The following KIF26B variants were observed in gnomAD, a reference collection of about 807,000 sequenced individuals.
The protein encoded by KIF26B is kinesin family member 26B, also known as kinesin-like protein KIF26B.
KIF26B carries 63 observed loss-of-function variants against 151.2 expected under a neutral mutation model. The observed-to-expected ratio is 0.42, with a 90% confidence interval of 0.34 to 0.51. The LOEUF is 0.51. Among genes scored for constraint, KIF26B ranks in the 20% least tolerant of loss-of-function variants. The pLI, the probability that KIF26B is intolerant of heterozygous loss-of-function variation, is 0.07. For synonymous variants in KIF26B, 1,357 were observed against 1,262.1 expected (o/e 1.08, Z -1.59); for missense variants, 2,813 against 2,913.6 (o/e 0.97, Z 0.79).
chr1:245,696,903 C>T (rs2008766), intron 12 of KIF26B, among the ~76,000 whole-genome samples: 1 of 151,456 alleles, frequency 6.6e-6, no homozygotes, highest in East Asian at 1.9e-4. Flanking sequence ...TGAGATCAGG[C>T]GTTCGAGACC....
At chr1:245,448,428 T>G (rs1316549406) in intron 4 of KIF26B, among the ~76,000 whole-genome samples, 1 of 152,198 alleles carries the variant, frequency 6.6e-6, no homozygotes, top group African/African-American at 2.4e-5. Flanking sequence ...CAGGCTGGTC[T>G]CAAACTCCTG....
rs920095319 is a variant in KIF26B, at chr1:245,226,392, C to T, written c.465+69709C>T. 2.3e-4 allele frequency among the ~76,000 whole-genome samples: 35 copies of T among 152,270 alleles called. 1 individual carries two copies. The highest frequency in any genetic ancestry group is 1.0e-3 in the Admixed American group (16 of 15,286). ...TTCCCACCATCAAGGCATGAGGTTT[C>T]TCTCTTTGCCGCATTTGTGTTGGGC... is the stretch of plus-strand genomic sequence containing the variant. On this transcript the variant is annotated intron_variant, in intron 2 of 14. Coordinates refer to ENST00000407071, the MANE Select transcript of KIF26B (RefSeq NM_018012.4).
At chr1:245,391,969 C>A (rs1463766171) in intron 3 of KIF26B, among the ~76,000 whole-genome samples, 1 of 151,546 alleles carries the variant, frequency 6.6e-6, no homozygotes, top group Non-Finnish European at 1.5e-5. Flanking sequence ...TCTTATAACT[C>A]CTATGCTGGA....
intron 3 of KIF26B, among the ~76,000 whole-genome samples, chr1:245,378,051 C>T (rs1436310034): frequency 3.3e-5 from 5 of 152,158 alleles, no homozygotes; most frequent in Non-Finnish European, 5.9e-5. Context: ...CAGCCACAGA[C>T]ATAAATGTAA....
chr1:245,189,778 A>G (rs1351776447), intron 2 of KIF26B, among the ~76,000 whole-genome samples: 8 of 152,238 alleles, frequency 5.3e-5, no homozygotes, highest in Non-Finnish European at 1.2e-4. Context: ...TTGCTGATAA[A>G]GACACACATG....
chr1:245,539,309 C>T (rs1242395469), intron 4 of KIF26B, among the ~76,000 whole-genome samples: 1 of 152,146 alleles, frequency 6.6e-6, no homozygotes, highest in East Asian at 1.9e-4. Context: ...ACCAGCTATC[C>T]CAGACCATTG....
intron 3 of KIF26B, among the ~76,000 whole-genome samples, chr1:245,378,470 A>G (rs1049779751): frequency 7.2e-5 from 11 of 152,052 alleles, no homozygotes; most frequent in African/African-American, 2.7e-4. Flanking sequence ...GGTGGGAGAG[A>G]AGATTGCCTA....
At chr1:245,378,332 A>AG (rs1673324828) in intron 3 of KIF26B, among the ~76,000 whole-genome samples, 1 of 110,096 alleles carries the variant, frequency 9.1e-6, no homozygotes, top group African/African-American at 3.5e-5. Context: ...GAGAGGGGTT[A>AG]GGTGGGGAGG....
chr1:245,307,573 C>T (rs553557169), intron 2 of KIF26B, among the ~76,000 whole-genome samples: 3 of 152,242 alleles, frequency 2.0e-5, no homozygotes, highest in African/African-American at 4.8e-5. Context: ...AACAAACCAC[C>T]GCCTGTGTCT....
chr1:245,265,856 C>T (rs1288316803), intron 2 of KIF26B, among the ~76,000 whole-genome samples: 2 of 152,122 alleles, frequency 1.3e-5, no homozygotes, highest in African/African-American at 4.8e-5. Flanking sequence ...CGTCTGCCTG[C>T]CTTAGTCTCC....
chr1:245,384,000 C>T (rs1049649973), intron 3 of KIF26B, among the ~76,000 whole-genome samples: 6 of 152,178 alleles, frequency 3.9e-5, no homozygotes, highest in Middle Eastern at 3.2e-3. Flanking sequence ...GTACAAAACA[C>T]GAAAATCTTA....
At chr1:245,173,783 T>C (rs531599500) in intron 2 of KIF26B, among the ~76,000 whole-genome samples, 3 of 152,198 alleles carry the variant, frequency 2.0e-5, no homozygotes, top group African/African-American at 7.2e-5. Context: ...TTTCTCTTAC[T>C]TCCACGGACC....
At chr1:245,694,939 C>T (rs1242645622) in intron 12 of KIF26B, among the ~76,000 whole-genome samples, 2 of 152,222 alleles carry the variant, frequency 1.3e-5, no homozygotes, top group Admixed American at 1.3e-4. Flanking sequence ...GCCCAACCCA[C>T]CGGCGTCAGC....
rs2043449416 is a variant in KIF26B, at chr1:245,606,032, G to T, written c.1558-1619G>T. Reference sequence around the variant, plus strand: ...TAGTCCATTGGGCAGCCTTCTGCCTGCTCTGCAGACACGCCTCTGGCAAAT... The same window carrying T: ...TAGTCCATTGGGCAGCCTTCTGCCTTCTCTGCAGACACGCCTCTGGCAAAT... On this transcript the variant is annotated intron_variant, in intron 6 of 14. Transcript: ENST00000407071. This position sits in a 1 kb window ranked among gnomAD's most constrained non-coding sequence, Gnocchi z 4.6. 6.6e-6 allele frequency among the ~76,000 whole-genome samples: 1 copy of T among 152,174 alleles called. No individual in the cohort carries two copies. The highest frequency in any genetic ancestry group is 1.5e-5 in the Non-Finnish European group (1 of 68,034).
rs36095569 is a variant in KIF26B at position 245,495,975 on chromosome 1, T to C, written c.1167-44792T>C. The stretch of plus-strand genomic sequence containing the variant: ...TAAAAGTTTACAAACTTAATAAAGA[T>C]ATTCGTCAAACATTGAAGTGAAATA... On this transcript the variant is annotated intron_variant, in intron 4 of 14. Coordinates refer to ENST00000407071, the MANE Select transcript of KIF26B (RefSeq NM_018012.4). The surrounding 1 kb of genome is among the most constrained non-coding windows in gnomAD (Gnocchi z 4.2). Among the ~76,000 whole-genome samples the C allele has an allele frequency of 0.033, 5,037 of 152,258 alleles. 133 individuals are homozygous for C. The highest frequency in any genetic ancestry group is 0.05 in the Non-Finnish European group (3,381 of 68,010).
chr1:245,561,906 C>T (rs530817694), intron 5 of KIF26B, among the ~76,000 whole-genome samples: 17 of 152,316 alleles, frequency 1.1e-4, no homozygotes, highest in East Asian at 1.9e-4. Context: ...GTGGTCCTGC[C>T]TCTTCTCAGT....
chr1:245,552,221 G>A (rs1430110899), intron 5 of KIF26B, among the ~76,000 whole-genome samples: 2 of 151,542 alleles, frequency 1.3e-5, no homozygotes, highest in Non-Finnish European at 2.9e-5. Context: ...TCCTGTGACT[G>A]TGGAGGTTGG....
chr1:245,494,667 T>C (rs1660477008), intron 4 of KIF26B, among the ~76,000 whole-genome samples: 1 of 152,240 alleles, frequency 6.6e-6, no homozygotes, highest in African/African-American at 2.4e-5. Context: ...GACATAAATT[T>C]CAAAATATCT....
At chr1:245,466,766 A>G (rs1272751696) in intron 4 of KIF26B, among the ~76,000 whole-genome samples, 1 of 152,168 alleles carries the variant, frequency 6.6e-6, no homozygotes, top group East Asian at 1.9e-4. Flanking sequence ...TCTCCACTAA[A>G]AATACAAAAA....
Sources: allele counts gnomAD v4.1 joint callset (sites outside exome capture counted in the v4.1 genomes callset), GRCh38; gene constraint gnomAD v4.1.1; non-coding constraint Gnocchi (gnomAD v3.1); transcripts MANE v1.5; gene names NCBI Gene and HGNC (gene_info 2026-07-23, HGNC 2026-07-21).